The following PRKD1 variants were observed in gnomAD, a reference collection of about 807,000 sequenced individuals.
PRKD1 encodes serine/threonine-protein kinase D1.
PRKD1 carries 63 observed loss-of-function variants against 95.9 expected under a neutral mutation model. That is an observed-to-expected ratio of 0.66 (90% CI 0.54 to 0.81). The LOEUF is 0.81. PRKD1 is among the 30% of genes least tolerant of loss of function. The probability of loss-of-function intolerance (pLI) is 0.00; values close to 1 mark genes in which losing one functional copy is unlikely to be tolerated. For synonymous variants in PRKD1, 425 were observed against 423.1 expected (o/e 1.00, Z -0.05); for missense variants, 1,048 against 1,165.3 (o/e 0.90, Z 1.47).
chr14:29,706,905 A>G (rs1885119382), intron 2 of PRKD1, among the ~76,000 whole-genome samples: 1 of 152,174 alleles, frequency 6.6e-6, no homozygotes, highest in African/African-American at 2.4e-5. Flanking sequence ...TGAGTCATGA[A>G]AGATGAATTG....
chr14:29,600,353 AC>A (rs1046683475), intron 13 of PRKD1, among the ~76,000 whole-genome samples: 2 of 152,152 alleles, frequency 1.3e-5, no homozygotes, highest in Non-Finnish European at 2.9e-5. Flanking sequence ...AAAAATAGCA[AC>A]AAAAAAAAAG....
intron 1 of PRKD1, among the ~76,000 whole-genome samples, chr14:29,842,018 C>A (rs139497114): frequency 8.3e-4 from 126 of 152,154 alleles, no homozygotes; most frequent in African/African-American, 2.7e-3. Context: ...ACACAATTAG[C>A]CTAGGCCTAC....
intron 1 of PRKD1, among the ~76,000 whole-genome samples, chr14:29,743,988 T>C (rs902137905): frequency 6.6e-6 from 1 of 152,220 alleles, no homozygotes; most frequent in African/African-American, 2.4e-5. Flanking sequence ...AGATAGGTGC[T>C]GGAGTGTTCA....
intron 1 of PRKD1, among the ~76,000 whole-genome samples, chr14:29,776,673 G>A (rs1361053170): frequency 6.6e-6 from 1 of 152,172 alleles, no homozygotes; most frequent in Non-Finnish European, 1.5e-5. Context: ...TCTGATTGCT[G>A]TACCTGAAAG....
intron 1 of PRKD1, 34 bp downstream of exon 1, chr14:29,927,215 G>GGC: frequency 6.8e-7 from 1 of 1,464,306 alleles, no homozygotes; most frequent in Non-Finnish European, 9.0e-7. Context: ...GCGCCGCGGG[G>GGC]AGGCGCCGGG....
chr14:29,733,262 C>G (rs1190690199), intron 1 of PRKD1, among the ~76,000 whole-genome samples: 1 of 151,848 alleles, frequency 6.6e-6, no homozygotes, highest in Non-Finnish European at 1.5e-5. Flanking sequence ...GCCACCACAC[C>G]TGGCTAATTT....
chr14:29,597,887 T>C, intron 15 of PRKD1, 129 bp from the exon 16 acceptor site: 1 of 991,634 alleles, frequency 1.0e-6, no homozygotes, highest in Admixed American at 3.1e-5. Flanking sequence ...TATGGATTTC[T>C]TAAAGTAATA....
chr14:29,779,494 C>T (rs547224142), intron 1 of PRKD1, among the ~76,000 whole-genome samples: 64 of 152,132 alleles, frequency 4.2e-4, no homozygotes, highest in African/African-American at 1.5e-3. Context: ...ACACCAATAA[C>T]GGATAAACAG....
intron 2 of PRKD1, among the ~76,000 whole-genome samples, chr14:29,675,204 T>C (rs530425305): frequency 1.6e-3 from 249 of 152,332 alleles, no homozygotes; most frequent in Admixed American, 4.2e-3. Flanking sequence ...TCTGCTCTGG[T>C]TCATTAGAAT....
chr14:29,916,825 G>A (rs527667773), intron 1 of PRKD1, among the ~76,000 whole-genome samples: 4 of 152,216 alleles, frequency 2.6e-5, no homozygotes, highest in South Asian at 2.1e-4. Flanking sequence ...TCTTTTTCCC[G>A]TGGCAAAGAA....
intron 1 of PRKD1, among the ~76,000 whole-genome samples, chr14:29,766,727 C>T (rs191839542): frequency 7.5e-4 from 114 of 152,168 alleles, no homozygotes; most frequent in Admixed American, 7.3e-3. Flanking sequence ...TTTGAGATAA[C>T]GCTTTAGAAT....
At chr14:29,849,545 T>G (rs768486329) in intron 1 of PRKD1, among the ~76,000 whole-genome samples, 1 of 149,494 alleles carries the variant, frequency 6.7e-6, no homozygotes, top group Non-Finnish European at 1.5e-5. Context: ...AAAAACTGAA[T>G]CAGTGAAGTA....
rs138107900 is a variant in PRKD1, at chr14:29,754,754, TA to T, written c.265-29081del. Among the ~76,000 whole-genome samples the T allele has an allele frequency of 8.0e-3, 1,213 of 152,224 alleles. 19 individuals are homozygous for T. Among genetic ancestry groups the T allele is most frequent in the African/African-American group, 0.027 (1,123 of 41,576 alleles). Reference sequence around the variant, plus strand: ...TGACTTGGTATTACATCTTAATACTTAAAGAACAAATACCTCTGCCTTTCCC... The same window carrying T: ...TGACTTGGTATTACATCTTAATACTTAAGAACAAATACCTCTGCCTTTCCC... On this transcript the variant is annotated intron_variant, in intron 1 of 17. Transcript: ENST00000331968.
At chr14:29,675,163 A>C (rs934485889) in intron 2 of PRKD1, among the ~76,000 whole-genome samples, 4 of 152,222 alleles carry the variant, frequency 2.6e-5, no homozygotes, top group African/African-American at 9.6e-5. Context: ...ACGAAGATTC[A>C]TGACTTCATG....
chr14:29,687,638 T>C (rs141920355), intron 2 of PRKD1, among the ~76,000 whole-genome samples: 15 of 152,334 alleles, frequency 9.8e-5, no homozygotes, highest in African/African-American at 3.6e-4. Context: ...ACACACCACT[T>C]AGAAATCCAG....
chr14:29,676,191 T>TTTGTTTTTTTTTTTG (rs201015731), intron 2 of PRKD1, among the ~76,000 whole-genome samples: 2 of 124,560 alleles, frequency 1.6e-5, no homozygotes, highest in African/African-American at 3.3e-5. Flanking sequence ...TTGTTTTTTT[T>TTTGTTTTTTTTTTTG]TTTTTTTTTT....
chr14:29,913,202 TAGA>T (rs1383813096), intron 1 of PRKD1, among the ~76,000 whole-genome samples: 1 of 152,238 alleles, frequency 6.6e-6, no homozygotes, highest in Non-Finnish European at 1.5e-5. Flanking sequence ...TTAAACCATT[TAGA>T]AGAGTTACCA....
chr14:29,617,977 G>A (rs948974379), intron 13 of PRKD1, among the ~76,000 whole-genome samples: 2 of 152,020 alleles, frequency 1.3e-5, no homozygotes, highest in African/African-American at 4.8e-5. Context: ...AGGCTGAGGT[G>A]GGAGGATTGC....
chr14:29,877,354 TCATACATTTAAGTTCCTTA>T lies in PRKD1; in HGVS notation c.264+49876_264+49894del, dbSNP rs1322054804. Among the ~76,000 whole-genome samples, 4 of 152,362 alleles carry T rather than the reference TCATACATTTAAGTTCCTTA, an allele frequency of 2.6e-5. No homozygotes were observed. In the East Asian group the frequency reaches 7.7e-4, roughly 29 times the overall value. ...TTTAAATGGGGTTGCTTTGTTTTTC[TCATACATTTAAGTTCCTTA>T]CAGATGCTGGATATTACACCTTTGT... On this transcript the variant is annotated intron_variant, in intron 1 of 17. Transcript: ENST00000331968.
Sources: allele counts gnomAD v4.1 joint callset (sites outside exome capture counted in the v4.1 genomes callset), GRCh38; gene constraint gnomAD v4.1.1; transcripts MANE v1.5; gene names NCBI Gene and HGNC (gene_info 2026-07-23, HGNC 2026-07-21).